PLEKHA5: variants seen among roughly 807,000 people sequenced by gnomAD.
PLEKHA5 encodes the protein pleckstrin homology domain-containing family A member 5.
In PLEKHA5, 55 loss-of-function variants were observed where a neutral mutation model predicts 181.9. That is an observed-to-expected ratio of 0.30 (90% CI 0.24 to 0.38). The LOEUF (loss-of-function observed/expected upper bound fraction) is 0.38. Among genes scored for constraint, PLEKHA5 ranks in the 10% least tolerant of loss-of-function variants. The pLI is 1.00. For synonymous variants in PLEKHA5, 535 were observed against 529.4 expected (o/e 1.01, Z -0.15); for missense variants, 1,432 against 1,549.5 (o/e 0.92, Z 1.27).
chr12:19,312,924 A>C (rs1291567501), intron 15 of PLEKHA5, among the ~76,000 whole-genome samples: 1 of 152,178 alleles, frequency 6.6e-6, no homozygotes, highest in Admixed American at 6.5e-5. Context: ...AGTGATAAGC[A>C]TGCAAGTCTT....
chr12:19,309,096 A>AT (rs2152973706), intron 15 of PLEKHA5, among the ~76,000 whole-genome samples: 1 of 151,960 alleles, frequency 6.6e-6, no homozygotes, highest in East Asian at 1.9e-4. Context: ...GAAATAGATA[A>AT]TTTTTTAAGC....
At chr12:19,240,932 G>T (rs900095669) in intron 3 of PLEKHA5, among the ~76,000 whole-genome samples, 1 of 151,928 alleles carries the variant, frequency 6.6e-6, no homozygotes, top group Admixed American at 6.6e-5. Flanking sequence ...TTTTTAACCC[G>T]CTAAAATATA....
At chr12:19,292,579 C>T (rs1314445125) in intron 15 of PLEKHA5, among the ~76,000 whole-genome samples, 1 of 151,898 alleles carries the variant, frequency 6.6e-6, no homozygotes, top group Admixed American at 6.6e-5. Flanking sequence ...ATAGGAGGCT[C>T]ACATTCCTAG....
chr12:19,185,735 T>G (rs1164454998), intron 3 of PLEKHA5, among the ~76,000 whole-genome samples: 1 of 152,174 alleles, frequency 6.6e-6, no homozygotes, highest in Non-Finnish European at 1.5e-5. Flanking sequence ...TTAACATATC[T>G]TAAAGAATGC....
intron 12 of PLEKHA5, 88 bp downstream of exon 12, chr12:19,283,833 A>G (rs2076664305): frequency 1.3e-6 from 1 of 782,430 alleles, no homozygotes; most frequent in Non-Finnish European, 2.1e-6. Flanking sequence ...GTGAGAGACA[A>G]AAGAATGGGG....
intron 16 of PLEKHA5, among the ~76,000 whole-genome samples, chr12:19,318,887 C>G (rs1029918964): frequency 6.6e-6 from 1 of 152,158 alleles, no homozygotes; most frequent in Non-Finnish European, 1.5e-5. Context: ...CACCACTGCA[C>G]TCCAGGCTGG....
chr12:19,175,256 A>T (rs1832169822), intron 3 of PLEKHA5, among the ~76,000 whole-genome samples: 1 of 152,204 alleles, frequency 6.6e-6, no homozygotes, highest in African/African-American at 2.4e-5. Context: ...ATACCTGGAG[A>T]TTTATCCTGC....
intron 3 of PLEKHA5, chr12:19,153,766 TG>T (rs2151349883): frequency 6.6e-6 from 1 of 152,322 alleles, no homozygotes; most frequent in East Asian, 1.9e-4. Flanking sequence ...TTGGGTTTGT[TG>T]ATACTTCATT....
intron 20 of PLEKHA5, among the ~76,000 whole-genome samples, chr12:19,329,622 G>A (rs773409964): frequency 2.0e-5 from 3 of 152,120 alleles, no homozygotes; most frequent in East Asian, 1.9e-4. Context: ...TGTGTGCATA[G>A]TGGTGTTCGT....
intron 21 of PLEKHA5, 59 bp downstream of exon 21, chr12:19,336,675 C>A (rs927373233): frequency 1.1e-6 from 1 of 929,694 alleles, no homozygotes; most frequent in Admixed American, 2.3e-5. Flanking sequence ...ACTGTACAAT[C>A]CACCTTGTTA....
Position 19,366,123 on chromosome 12 carries a change from A to C in PLEKHA5, c.3754+14A>C. On this transcript the variant is annotated intron_variant, in intron 30 of 31. Coordinates refer to ENST00000429027, the MANE Select transcript of PLEKHA5 (RefSeq NM_001256470.2). ...AAACAATGGCAGGTAGGTAGTATAC[A>C]CTTCATAATTTTCTACCTGGTGCTT... The C allele has an allele frequency of 6.3e-7, 1 of 1,586,096 alleles. No individual in the cohort carries two copies. The highest frequency in any genetic ancestry group is 2.2e-5 in the East Asian group (1 of 44,486).
intron 11 of PLEKHA5, among the ~76,000 whole-genome samples, chr12:19,280,818 C>G (rs1322367952): frequency 6.6e-6 from 1 of 151,186 alleles, no homozygotes; most frequent in Non-Finnish European, 1.5e-5. Context: ...TTAAGTGATT[C>G]TCCTGCCTCA....
At chr12:19,342,455 A>G (rs1219937823) in intron 21 of PLEKHA5, among the ~76,000 whole-genome samples, 1 of 151,990 alleles carries the variant, frequency 6.6e-6, no homozygotes, top group African/African-American at 2.4e-5. Context: ...TCAGGAGTTC[A>G]AGACCAGCCT....
At chr12:19,175,478 A>G (rs1026667037) in intron 3 of PLEKHA5, among the ~76,000 whole-genome samples, 2 of 152,180 alleles carry the variant, frequency 1.3e-5, no homozygotes, top group African/African-American at 4.8e-5. Flanking sequence ...AAAAAAAGCA[A>G]GTTTTAAAGC....
intron 26 of PLEKHA5, among the ~76,000 whole-genome samples, chr12:19,356,930 A>G (rs938692733): frequency 5.3e-5 from 8 of 152,000 alleles, no homozygotes; most frequent in African/African-American, 1.7e-4. Context: ...AAGTGTTGGG[A>G]TTACAGGTGT....
At chr12:19,253,329 C>T (rs2065922943) in intron 3 of PLEKHA5, among the ~76,000 whole-genome samples, 3 of 151,194 alleles carry the variant, frequency 2.0e-5, no homozygotes, top group Non-Finnish European at 3.0e-5. Context: ...CCTTCCTTGG[C>T]GCTCCAAAAT....
At chr12:19,324,403 T>G (rs566586184) in intron 20 of PLEKHA5, among the ~76,000 whole-genome samples, 11 of 152,322 alleles carry the variant, frequency 7.2e-5, no homozygotes, top group Admixed American at 3.3e-4. Context: ...TTAATATCCT[T>G]TCCATTGTGA....
chr12:19,343,378 A>G lies in PLEKHA5; in HGVS notation c.2606A>G (p.Gln869Arg), dbSNP rs761964788. The G allele has an allele frequency of 3.7e-6, 6 of 1,613,770 alleles. No individual in the cohort carries two copies. In the Admixed American group the frequency reaches 8.3e-5, roughly 22 times the overall value. Residue 869 changes from glutamine to arginine, a missense_variant, in exon 22 of 32, where the codon CAG becomes CGG. Physicochemically the swap from Gln to Arg is conservative, Grantham distance 43 (BLOSUM62 1). This residue lies in a region of PLEKHA5 where 1,143 missense variants were observed against 1,168.4 expected (regional missense o/e 0.98). Coordinates refer to ENST00000429027, the MANE Select transcript of PLEKHA5 (RefSeq NM_001256470.2). ...ATTCAGAAAGAACTTTGGCGAATTC[A>G]GGATGTCATGGAAGGGCTGAGTAAA... is the stretch of plus-strand genomic sequence containing the variant. ...AQIQKELWRI[Q>R]DVMEGLSKHK...
At chr12:19,182,073 G>C (rs1055422411) in intron 3 of PLEKHA5, among the ~76,000 whole-genome samples, 1 of 152,064 alleles carries the variant, frequency 6.6e-6, no homozygotes, top group Non-Finnish European at 1.5e-5. Context: ...GTTTTTTAAA[G>C]GCAGCAAAAA....
Sources: allele counts gnomAD v4.1 joint callset (sites outside exome capture counted in the v4.1 genomes callset), GRCh38; gene constraint gnomAD v4.1.1; regional missense constraint gnomAD v4.1.1; transcripts MANE v1.5; gene names NCBI Gene and HGNC (gene_info 2026-07-23, HGNC 2026-07-21).